The following CACNB2 variants were observed in gnomAD, a reference collection of about 807,000 sequenced individuals.
The protein encoded by CACNB2 is calcium voltage-gated channel auxiliary subunit beta 2.
In CACNB2, 42 loss-of-function variants were observed where a neutral mutation model predicts 73.3. That is an observed-to-expected ratio of 0.57 (90% CI 0.45 to 0.74). The LOEUF (loss-of-function observed/expected upper bound fraction) is 0.74, where lower values mean the gene tolerates loss of function less well. Ranked by LOEUF, CACNB2 falls within the 30% of genes least tolerant of loss-of-function variation. The pLI, the probability that CACNB2 is intolerant of heterozygous loss-of-function variation, is 0.00. For synonymous variants in CACNB2, 348 were observed against 310.3 expected, an observed-to-expected ratio of 1.12 and a Z score of -1.28; for missense variants, 940 against 853.0, an observed-to-expected ratio of 1.10 and a Z score of -1.27.
At chr10:18,519,233 A>C (rs1188177911) in intron 9 of CACNB2, among the ~76,000 whole-genome samples, 1 of 152,238 alleles carries the variant, frequency 6.6e-6, no homozygotes, top group African/African-American at 2.4e-5. Context: ...CCCTCAATTC[A>C]TGGTCAACTG....
At chr10:18,443,851 G>A (rs1269654986) in intron 3 of CACNB2, among the ~76,000 whole-genome samples, 2 of 151,980 alleles carry the variant, frequency 1.3e-5, no homozygotes, top group South Asian at 2.1e-4. Context: ...AGTAGCTGGG[G>A]TTACAGGTGC....
chr10:18,172,719 A>G (rs992099990), intron 2 of CACNB2, among the ~76,000 whole-genome samples: 1 of 152,142 alleles, frequency 6.6e-6, no homozygotes, highest in African/African-American at 2.4e-5. Flanking sequence ...TTTTCAGTGG[A>G]TGGTGTAGCT....
At chr10:18,388,073 C>T (rs193076024) in intron 2 of CACNB2, among the ~76,000 whole-genome samples, 490 of 152,290 alleles carry the variant, frequency 3.2e-3, no homozygotes, top group Non-Finnish European at 4.4e-3. Flanking sequence ...ATTTCTCATC[C>T]TTACCAAAAT....
chr10:18,163,362 G>A lies in CACNB2; in HGVS notation c.213+12387G>A, dbSNP rs956074482. Among the ~76,000 whole-genome samples the A allele has an allele frequency of 5.9e-5, 9 of 152,248 alleles. No homozygotes were observed. In the East Asian group the frequency reaches 1.7e-3, roughly 29 times the overall value. ...TCAAATTGGTATTACTCTTGGGAATGTTTACGTGTTTGTTGGGCAACAAGA... is the reference window on the plus strand; with the variant it reads ...TCAAATTGGTATTACTCTTGGGAATATTTACGTGTTTGTTGGGCAACAAGA... On this transcript the variant is annotated intron_variant, in intron 2 of 13. Transcript: ENST00000324631.
chr10:18,281,442 A>C (rs1474097941), intron 2 of CACNB2, among the ~76,000 whole-genome samples: 3 of 152,220 alleles, frequency 2.0e-5, no homozygotes, highest in Non-Finnish European at 4.4e-5. Context: ...TAGTAAGACA[A>C]CTAACAAGCC....
chr10:18,140,968 C>A (rs891427579), intron 1 of CACNB2, 112 bp downstream of exon 1: 24 of 1,518,480 alleles, frequency 1.6e-5, no homozygotes, highest in Non-Finnish European at 2.0e-5. Context: ...CACCTCCTCC[C>A]CTCGTCGCCT....
Position 18,177,368 on chromosome 10 carries a change from C to G in CACNB2, c.213+26393C>G, listed in dbSNP as rs552754008. On this transcript the variant is annotated intron_variant, in intron 2 of 13. Transcript: ENST00000324631. ...GGCACAGTGGCTCATGCCTATAATCCCAGCACTTTGGGAGGCCAAAGTGGG... is the reference window on the plus strand; with the variant it reads ...GGCACAGTGGCTCATGCCTATAATCGCAGCACTTTGGGAGGCCAAAGTGGG... Among the ~76,000 whole-genome samples, 7 of 151,634 alleles carry G rather than the reference C, an allele frequency of 4.6e-5. No individual in the cohort carries two copies. In the East Asian group the frequency reaches 1.4e-3, roughly 29 times the overall value.
chr10:18,140,944 G>C (rs929391720), intron 1 of CACNB2, 88 bp downstream of exon 1: 32 of 1,532,614 alleles, frequency 2.1e-5, no homozygotes, highest in Non-Finnish European at 2.8e-5. Flanking sequence ...CCACTGCAGG[G>C]ATCTCTAGCC....
intron 2 of CACNB2, among the ~76,000 whole-genome samples, chr10:18,359,545 A>C (rs1424671051): frequency 6.6e-6 from 1 of 151,942 alleles, no homozygotes; most frequent in Non-Finnish European, 1.5e-5. Flanking sequence ...AAGTGTTAGG[A>C]TTACCAGCAT....
At chr10:18,410,563 G>A (rs1420786649) in intron 3 of CACNB2, among the ~76,000 whole-genome samples, 6 of 152,138 alleles carry the variant, frequency 3.9e-5, no homozygotes, top group Non-Finnish European at 7.3e-5. Context: ...CATTATATGG[G>A]AGGTAGGAGA....
chr10:18,412,110 AG>A, intron 3 of CACNB2, among the ~76,000 whole-genome samples: 1 of 152,298 alleles, frequency 6.6e-6, no homozygotes, highest in East Asian at 1.9e-4. Flanking sequence ...ATCCTCCAAC[AG>A]GCTGGCTAGG....
chr10:18,268,577 T>C (rs978319662), intron 2 of CACNB2, among the ~76,000 whole-genome samples: 3 of 152,238 alleles, frequency 2.0e-5, no homozygotes, highest in African/African-American at 7.2e-5. Context: ...GCATTTATAT[T>C]GGTGTTTGCA....
chr10:18,536,407 T>A (rs938795685), intron 12 of CACNB2, among the ~76,000 whole-genome samples: 2 of 151,468 alleles, frequency 1.3e-5, no homozygotes, highest in Non-Finnish European at 2.9e-5. Context: ...TATAGGTGCA[T>A]GCCACCATGA....
At chr10:18,512,321 A>AT (rs1281514102) in intron 6 of CACNB2, among the ~76,000 whole-genome samples, 1 of 152,226 alleles carries the variant, frequency 6.6e-6, no homozygotes, top group East Asian at 1.9e-4. Context: ...TTTCACTCGG[A>AT]TATCTTGGGA....
At chr10:18,157,529 G>A (rs1334377283) in intron 2 of CACNB2, among the ~76,000 whole-genome samples, 9 of 152,092 alleles carry the variant, frequency 5.9e-5, no homozygotes, top group Admixed American at 2.0e-4. Context: ...GTTAAAACCC[G>A]AATAAGAAAT....
chr10:18,260,872 G>A (rs2037503995), intron 2 of CACNB2: 13 of 1,094,446 alleles, frequency 1.2e-5, no homozygotes, highest in Non-Finnish European at 1.5e-5. Context: ...ACACTCAGAT[G>A]TTTGAAAATC....
chr10:18,501,363 C>G (rs927358274), intron 5 of CACNB2, among the ~76,000 whole-genome samples: 2 of 152,210 alleles, frequency 1.3e-5, no homozygotes, highest in African/African-American at 4.8e-5. Context: ...GCAGTGGCAG[C>G]TCTTGTCATC....
intron 2 of CACNB2, among the ~76,000 whole-genome samples, chr10:18,263,093 T>C (rs556676914): frequency 2.6e-5 from 4 of 152,338 alleles, no homozygotes; most frequent in African/African-American, 9.6e-5. Flanking sequence ...GTTTTTCTCT[T>C]GGGAAGCCTT....
intron 7 of CACNB2, chr10:18,515,033 C>A (rs377255285): frequency 6.2e-7 from 1 of 1,612,500 alleles, no homozygotes; most frequent in Non-Finnish European, 8.5e-7. Flanking sequence ...CTTGTTTTGG[C>A]GGTTTACTGT....
Sources: allele counts gnomAD v4.1 joint callset (sites outside exome capture counted in the v4.1 genomes callset), GRCh38; gene constraint gnomAD v4.1.1; transcripts MANE v1.5; gene names NCBI Gene and HGNC (gene_info 2026-07-23, HGNC 2026-07-21).